LDLRAD4: variants seen among roughly 807,000 people sequenced by gnomAD.
LDLRAD4 encodes the protein low-density lipoprotein receptor class A domain-containing protein 4.
LDLRAD4 carries 5 observed loss-of-function variants against 17.0 expected under a neutral mutation model. The observed-to-expected ratio is 0.29, with a 90% CI of 0.15 to 0.62. The LOEUF (loss-of-function observed/expected upper bound fraction) is 0.62. Ranked by LOEUF, LDLRAD4 falls within the 20% of genes least tolerant of loss-of-function variation. LDLRAD4 has a pLI of 0.84. For synonymous variants in LDLRAD4, 168 were observed against 171.8 expected (o/e 0.98, Z 0.17); for missense variants, 340 against 424.7 (o/e 0.80, Z 1.75).
chr18:13,253,472 T>C (rs2043335732), intron 1 of LDLRAD4, among the ~76,000 whole-genome samples: 1 of 152,094 alleles, frequency 6.6e-6, no homozygotes, highest in African/African-American at 2.4e-5. Context: ...GCCTGCAGGG[T>C]AAATGAGCAG....
At position 13,367,151 on chromosome 18, in the gene LDLRAD4, G is replaced by A. The variant is rs1183411497; in HGVS notation, c.-382-20190G>A. Among the ~76,000 whole-genome samples the A allele has an allele frequency of 1.3e-5, 2 of 152,336 alleles. No homozygotes were observed. Among genetic ancestry groups the A allele is most frequent in the East Asian group, 3.9e-4 (2 of 5,174 alleles). On this transcript the variant is annotated intron_variant, in intron 1 of 5. Transcript: ENST00000359446. This position sits in a 1 kb window ranked among gnomAD's most constrained non-coding sequence, Gnocchi z 4.1. Reference sequence around the variant, plus strand: ...CAGTCCTGTTGCTGTCCACAGGGAAGTCCTGTGGCTGTGGGAAGGAGGTTT... The same window carrying A: ...CAGTCCTGTTGCTGTCCACAGGGAAATCCTGTGGCTGTGGGAAGGAGGTTT...
intron 1 of LDLRAD4, among the ~76,000 whole-genome samples, chr18:13,246,337 T>G (rs2042953479): frequency 6.6e-6 from 1 of 152,222 alleles, no homozygotes; most frequent in African/African-American, 2.4e-5. Flanking sequence ...CCCTGGCGCC[T>G]GGTGATGTGC....
At chr18:13,225,971 A>G (rs534359847) in intron 1 of LDLRAD4, among the ~76,000 whole-genome samples, 2 of 152,130 alleles carry the variant, frequency 1.3e-5, no homozygotes, top group South Asian at 4.2e-4. Flanking sequence ...TATAAATATG[A>G]TTGCATTGAA....
At chr18:13,512,422 A>G (rs751995757) in intron 3 of LDLRAD4, among the ~76,000 whole-genome samples, 1 of 152,230 alleles carries the variant, frequency 6.6e-6, no homozygotes, top group African/African-American at 2.4e-5. Flanking sequence ...GGTGCTCGCC[A>G]TGAGCTTCTG....
chr18:13,414,852 C>T (rs182317868), intron 2 of LDLRAD4, among the ~76,000 whole-genome samples: 159 of 152,294 alleles, frequency 1.0e-3, no homozygotes, highest in Middle Eastern at 6.8e-3. Flanking sequence ...GTATGCCAAG[C>T]GAAGTATTAA....
At chr18:13,612,556 C>T (rs1040952255) in intron 3 of LDLRAD4, 19 of 1,423,760 alleles carry the variant, frequency 1.3e-5, no homozygotes, top group East Asian at 5.2e-5. Flanking sequence ...CCCCCCCCCC[C>T]TCCACGCTCA....
chr18:13,342,794 T>C (rs1233688555), intron 1 of LDLRAD4, among the ~76,000 whole-genome samples: 1 of 151,966 alleles, frequency 6.6e-6, no homozygotes, highest in Non-Finnish European at 1.5e-5. Flanking sequence ...AATTTTTTAT[T>C]CCATTCTACC....
At chr18:13,498,244 T>C (rs1431425213) in intron 3 of LDLRAD4, among the ~76,000 whole-genome samples, 23 of 112,938 alleles carry the variant, frequency 2.0e-4, no homozygotes, top group South Asian at 6.3e-4. Context: ...ACACACGTCC[T>C]GCCGTGGACA....
chr18:13,449,755 C>T (rs2091669682), intron 3 of LDLRAD4, among the ~76,000 whole-genome samples: 1 of 152,244 alleles, frequency 6.6e-6, no homozygotes, highest in Non-Finnish European at 1.5e-5. Flanking sequence ...ACTTGAGCTA[C>T]ACTTCAGGCC....
intron 2 of LDLRAD4, among the ~76,000 whole-genome samples, chr18:13,395,644 G>C (rs1343096916): frequency 1.2e-5 from 1 of 85,278 alleles, no homozygotes; most frequent in Non-Finnish European, 2.3e-5. Context: ...GTTGGGTGGG[G>C]AGCTGGCGTG....
chr18:13,540,881 A>T lies in LDLRAD4; in HGVS notation c.182-80236A>T, dbSNP rs1018202152. Among the ~76,000 whole-genome samples the T allele has an allele frequency of 2.6e-5, 4 of 152,174 alleles. No homozygotes were observed. The South Asian group carries it at 8.3e-4, about 32-fold the overall frequency. Reference sequence around the variant, plus strand: ...GTCTCACTTCTGGGCTTGCTGGGCAACTTGCCTGCTTGCTGGGGTTCTTTG... The same window carrying T: ...GTCTCACTTCTGGGCTTGCTGGGCATCTTGCCTGCTTGCTGGGGTTCTTTG... On this transcript the variant is annotated intron_variant, in intron 3 of 5. Transcript: ENST00000359446.
intron 3 of LDLRAD4, among the ~76,000 whole-genome samples, chr18:13,450,963 A>G (rs996070226): frequency 7.2e-5 from 11 of 152,178 alleles, no homozygotes; most frequent in Non-Finnish European, 1.3e-4. Flanking sequence ...GTCAGGCCAG[A>G]TCGCTTTCAT....
At chr18:13,352,056 T>G (rs1156607122) in intron 1 of LDLRAD4, among the ~76,000 whole-genome samples, 1 of 152,204 alleles carries the variant, frequency 6.6e-6, no homozygotes, top group East Asian at 1.9e-4. Context: ...TTTGATAAAA[T>G]TCAACATCCC....
intron 3 of LDLRAD4, among the ~76,000 whole-genome samples, chr18:13,574,539 G>A (rs987390215): frequency 1.4e-4 from 22 of 152,278 alleles, no homozygotes; most frequent in African/African-American, 3.9e-4. Context: ...CTCGATGTGC[G>A]GCAGGACCAT....
intron 1 of LDLRAD4, among the ~76,000 whole-genome samples, chr18:13,337,633 CA>C (rs2082165635): frequency 6.6e-6 from 1 of 151,572 alleles, no homozygotes; most frequent in Non-Finnish European, 1.5e-5. Context: ...CAGTGGCTCA[CA>C]CCTGTAATAT....
chr18:13,476,902 A>G (rs1323771186), intron 3 of LDLRAD4, among the ~76,000 whole-genome samples: 2 of 152,230 alleles, frequency 1.3e-5, no homozygotes, highest in Non-Finnish European at 2.9e-5. Flanking sequence ...ATGGAGTGAC[A>G]TGGATAATAT....
chr18:13,251,238 A>T (rs1374970063), intron 1 of LDLRAD4, among the ~76,000 whole-genome samples: 1 of 152,238 alleles, frequency 6.6e-6, no homozygotes, highest in Non-Finnish European at 1.5e-5. Context: ...CAACACAATA[A>T]GGGCCATAAA....
chr18:13,298,321 GC>G (rs2046382912), intron 1 of LDLRAD4, among the ~76,000 whole-genome samples: 1 of 151,972 alleles, frequency 6.6e-6, no homozygotes, highest in African/African-American at 2.4e-5. Flanking sequence ...TGATGTTGCT[GC>G]TCCGGGCACG....
In LDLRAD4 at chr18:13,432,777, C is replaced by T. The variant is rs1241887973; in HGVS notation, c.41-5467C>T. Among the ~76,000 whole-genome samples, 4 of 152,184 alleles carry T rather than the reference C, an allele frequency of 2.6e-5. 1 individual carries two copies. The highest frequency in any genetic ancestry group is 4.1e-4 in the South Asian group (2 of 4,832). ...TGTTGCCCAGGCTGGAGTGCAGTGG[C>T]GTGATCTCGGCTCACTGCAGCCTCA... On this transcript the variant is annotated intron_variant, in intron 2 of 5. Coordinates refer to ENST00000359446, the Ensembl canonical transcript of LDLRAD4.
Sources: gnomAD v4.1 joint callset for allele counts (sites outside exome capture counted in the v4.1 genomes callset) on GRCh38, gnomAD v4.1.1 for gene constraint, Gnocchi (gnomAD v3.1) non-coding constraint, MANE v1.5 for transcripts, NCBI Gene and HGNC (gene_info 2026-07-23, HGNC 2026-07-21) for gene names.